The following FLT1 variants were observed in gnomAD, a reference collection of about 807,000 sequenced individuals.
FLT1 encodes the protein fms related receptor tyrosine kinase 1.
A neutral mutation model predicts 156.3 loss-of-function variants in FLT1; 49 were observed. The observed-to-expected ratio is 0.31, with a 90% CI of 0.25 to 0.40. The LOEUF (loss-of-function observed/expected upper bound fraction) is 0.40, where lower values mean the gene tolerates loss of function less well. Ranked by LOEUF, FLT1 falls within the 10% of genes least tolerant of loss-of-function variation. The pLI, the probability that FLT1 is intolerant of heterozygous loss-of-function variation, is 1.00. For synonymous variants in FLT1, 594 were observed against 583.8 expected (o/e 1.02, Z -0.25); for missense variants, 1,322 against 1,637.2 (o/e 0.81, Z 3.32).
chr13:28,451,984 C>T (rs1566035066), intron 3 of FLT1, among the ~76,000 whole-genome samples: 1 of 152,096 alleles, frequency 6.6e-6, no homozygotes, highest in African/African-American at 2.4e-5. Context: ...TGGAAATATG[C>T]GCCAGTGTGG....
chr13:28,335,920 A>G (rs1872101211), intron 17 of FLT1, among the ~76,000 whole-genome samples: 1 of 152,244 alleles, frequency 6.6e-6, no homozygotes. Flanking sequence ...CAGCGCTGGC[A>G]GATGCCTTCT....
At chr13:28,447,601 C>T (rs1358354863) in intron 3 of FLT1, among the ~76,000 whole-genome samples, 1 of 151,980 alleles carries the variant, frequency 6.6e-6, no homozygotes, top group Non-Finnish European at 1.5e-5. Context: ...ATAAACTGAA[C>T]TTTATTAAAA....
intron 10 of FLT1, among the ~76,000 whole-genome samples, chr13:28,412,384 C>CTTTCTTTCCTTCCTTT (rs1876326500): frequency 8.0e-6 from 1 of 124,518 alleles, no homozygotes; most frequent in African/African-American, 2.9e-5. Context: ...TTCTTTCTTT[C>CTTTCTTTCCTTCCTTT]TTTCTTTCTT....
At chr13:28,461,228 C>T (rs1313523815) in intron 3 of FLT1, among the ~76,000 whole-genome samples, 1 of 151,970 alleles carries the variant, frequency 6.6e-6, no homozygotes, top group African/African-American at 2.4e-5. Flanking sequence ...CCCTGCTCAA[C>T]TTAGTAAATT....
At chr13:28,441,348 C>T (rs1349089484) in intron 3 of FLT1, among the ~76,000 whole-genome samples, 1 of 152,174 alleles carries the variant, frequency 6.6e-6, no homozygotes, top group Admixed American at 6.6e-5. Flanking sequence ...GCCTGCTTGG[C>T]CCTCTGCCAA....
intron 3 of FLT1, among the ~76,000 whole-genome samples, chr13:28,454,414 C>T (rs755668626): frequency 9.2e-5 from 14 of 152,176 alleles, no homozygotes; most frequent in Non-Finnish European, 1.6e-4. Context: ...ATACACCAAA[C>T]ACCGTCCTAA....
At chr13:28,355,779 C>A (rs566740118) in intron 15 of FLT1, among the ~76,000 whole-genome samples, 1 of 152,206 alleles carries the variant, frequency 6.6e-6, no homozygotes, top group African/African-American at 2.4e-5. Flanking sequence ...CTGATCTGGC[C>A]TGGAGCAGTG....
At chr13:28,339,322 A>G (rs1872241577) in intron 16 of FLT1, 22 bp from the exon 17 acceptor site, 9 of 1,611,182 alleles carry the variant, frequency 5.6e-6, no homozygotes, top group Non-Finnish European at 7.6e-6. Flanking sequence ...AGAGATCTCA[A>G]AGTCATCGAG....
chr13:28,396,390 G>A (rs1274844355), intron 12 of FLT1, among the ~76,000 whole-genome samples: 1 of 152,130 alleles, frequency 6.6e-6, no homozygotes, highest in Non-Finnish European at 1.5e-5. Flanking sequence ...AGTGCCATTT[G>A]TGTACCTTGG....
In FLT1 at chr13:28,322,533, C is replaced by A; in HGVS notation, c.2954-174G>T. 1 of 723,066 alleles carries A rather than the reference C, an allele frequency of 1.4e-6. No homozygotes were observed. The highest frequency in any genetic ancestry group is 2.5e-6 in the Non-Finnish European group (1 of 404,134). The allele number at this position is 723,066 out of a possible 1,614,324, so 44.8% of individuals were successfully genotyped here. A position where few individuals can be genotyped will look rare whatever the true frequency, so the allele number is the denominator to read the frequency against. On this transcript the variant is annotated intron_variant, in intron 21 of 29. Transcript: ENST00000282397. This position sits in a 1 kb window ranked among gnomAD's most constrained non-coding sequence, Gnocchi z 4.3. Reference sequence around the variant, plus strand: ...ACCAGAGATTTTTCCAGGCCTCCAGCCCACTTTATCCAAGCATGGGGGCAG... The same window carrying A: ...ACCAGAGATTTTTCCAGGCCTCCAGACCACTTTATCCAAGCATGGGGGCAG...
At chr13:28,449,839 T>G (rs1430052269) in intron 3 of FLT1, among the ~76,000 whole-genome samples, 2 of 152,234 alleles carry the variant, frequency 1.3e-5, no homozygotes, top group Non-Finnish European at 2.9e-5. Context: ...TGTTTTGCAT[T>G]GCTTCACTTA....
chr13:28,369,690 A>T (rs183443545), intron 14 of FLT1, among the ~76,000 whole-genome samples: 1 of 152,324 alleles, frequency 6.6e-6, no homozygotes, highest in Non-Finnish European at 1.5e-5. Context: ...AAAAGAAAAA[A>T]AGTTGACGTA....
chr13:28,448,174 G>A (rs1878722708), intron 3 of FLT1, among the ~76,000 whole-genome samples: 1 of 152,194 alleles, frequency 6.6e-6, no homozygotes, highest in South Asian at 2.1e-4. Context: ...GTGAAGTAGT[G>A]CACCCACTTT....
intron 10 of FLT1, among the ~76,000 whole-genome samples, chr13:28,411,287 C>T (rs559989760): frequency 1.3e-5 from 2 of 151,836 alleles, no homozygotes; most frequent in East Asian, 3.9e-4. Context: ...CGCTGTGACT[C>T]ACACCTGTAA....
intron 14 of FLT1, among the ~76,000 whole-genome samples, chr13:28,378,117 C>T (rs995993469): frequency 5.4e-5 from 8 of 147,394 alleles, no homozygotes; most frequent in Non-Finnish European, 8.9e-5. Context: ...GGCGTGATCT[C>T]GGCTCACTGC....
chr13:28,399,146 C>T (rs914066106), intron 11 of FLT1: 25 of 1,465,062 alleles, frequency 1.7e-5, no homozygotes, highest in Admixed American at 3.9e-5. Context: ...TCGTCAAATA[C>T]GACTCTGACT....
chr13:28,311,507 GTCTT>G (rs1352357707), intron 27 of FLT1, 79 bp downstream of exon 27: 113 of 1,147,836 alleles, frequency 9.8e-5, no homozygotes, highest in East Asian at 7.9e-4. Flanking sequence ...TCTCTCTTTC[GTCTT>G]TCTTTCTCTT....
At chr13:28,426,422 C>A (rs1214101611) in intron 10 of FLT1, among the ~76,000 whole-genome samples, 1 of 152,138 alleles carries the variant, frequency 6.6e-6, no homozygotes, top group Non-Finnish European at 1.5e-5. Context: ...ATTCATTTAG[C>A]AAATATACAC....
intron 3 of FLT1, among the ~76,000 whole-genome samples, chr13:28,465,339 C>G (rs1342998214): frequency 2.0e-5 from 3 of 152,058 alleles, no homozygotes; most frequent in African/African-American, 7.2e-5. Flanking sequence ...TTATCTACCC[C>G]CTGGACAAGC....
Sources: allele counts gnomAD v4.1 joint callset (sites outside exome capture counted in the v4.1 genomes callset), GRCh38; gene constraint gnomAD v4.1.1; non-coding constraint Gnocchi (gnomAD v3.1); transcripts MANE v1.5; gene names NCBI Gene and HGNC (gene_info 2026-07-23, HGNC 2026-07-21).